ARHGAP28: variants seen among roughly 807,000 people sequenced by gnomAD.
The protein encoded by ARHGAP28 is Rho GTPase activating protein 28.
ARHGAP28 carries 56 observed loss-of-function variants against 90.7 expected under a neutral mutation model. The observed-to-expected ratio is 0.62, with a 90% CI of 0.50 to 0.77. The LOEUF is 0.77. ARHGAP28 is among the 30% of genes least tolerant of loss of function. The pLI is 0.00. For missense variants in ARHGAP28, 869 were observed against 900.9 expected, an observed-to-expected ratio of 0.96 and a Z score of 0.45; for synonymous variants, 308 against 323.3, an observed-to-expected ratio of 0.95 and a Z score of 0.51.
At chr18:6,867,227 C>T (rs1360239762) in intron 5 of ARHGAP28, among the ~76,000 whole-genome samples, 1 of 152,092 alleles carries the variant, frequency 6.6e-6, no homozygotes, top group African/African-American at 2.4e-5. Flanking sequence ...GAATTCAAGA[C>T]CCCTTTGCGC....
intron 1 of ARHGAP28, among the ~76,000 whole-genome samples, chr18:6,751,323 C>T (rs1316338063): frequency 2.7e-5 from 4 of 150,312 alleles, no homozygotes; most frequent in Admixed American, 2.0e-4. Context: ...ATTTTTATCT[C>T]TTGTAAAGAA....
intron 2 of ARHGAP28, among the ~76,000 whole-genome samples, chr18:6,836,640 G>A (rs1171733462): frequency 6.6e-6 from 1 of 152,136 alleles, no homozygotes; most frequent in East Asian, 1.9e-4. Context: ...ACCACATCAA[G>A]AGTGACTAAG....
At chr18:6,805,107 A>G (rs886502378) in intron 1 of ARHGAP28, among the ~76,000 whole-genome samples, 6 of 152,134 alleles carry the variant, frequency 3.9e-5, no homozygotes, top group Non-Finnish European at 8.8e-5. Context: ...CTACAGGTAC[A>G]TCAGGCACAT....
At chr18:6,757,567 G>A (rs2056121987) in intron 1 of ARHGAP28, among the ~76,000 whole-genome samples, 1 of 152,136 alleles carries the variant, frequency 6.6e-6, no homozygotes, top group South Asian at 2.1e-4. Flanking sequence ...GGTAAAAGGA[G>A]CATTTGAAGT....
At chr18:6,813,282 C>G (rs1043449027) in intron 1 of ARHGAP28, among the ~76,000 whole-genome samples, 1 of 152,188 alleles carries the variant, frequency 6.6e-6, no homozygotes, top group Non-Finnish European at 1.5e-5. Flanking sequence ...AAATGTCATT[C>G]ATGTTTAATA....
intron 1 of ARHGAP28, among the ~76,000 whole-genome samples, chr18:6,731,524 G>C (rs566911461): frequency 6.8e-4 from 103 of 152,292 alleles, no homozygotes; most frequent in African/African-American, 2.3e-3. Context: ...ATGAGAGCAA[G>C]CGTTACGTGT....
At chr18:6,798,763 A>G (rs2056460813) in intron 1 of ARHGAP28, among the ~76,000 whole-genome samples, 1 of 152,232 alleles carries the variant, frequency 6.6e-6, no homozygotes, top group Admixed American at 6.5e-5. Context: ...TTAACATCTC[A>G]GAATTCACCA....
chr18:6,762,133 C>T (rs1291310535), intron 1 of ARHGAP28, among the ~76,000 whole-genome samples: 3 of 152,186 alleles, frequency 2.0e-5, no homozygotes, highest in Admixed American at 6.5e-5. Flanking sequence ...TTTATTACAT[C>T]GCCATGGCAT....
intron 10 of ARHGAP28, among the ~76,000 whole-genome samples, chr18:6,878,006 A>G (rs1033627815): frequency 2.0e-5 from 3 of 151,980 alleles, no homozygotes; most frequent in African/African-American, 7.2e-5. Flanking sequence ...GTGCCTGTGT[A>G]CACATGCATG....
intron 4 of ARHGAP28, among the ~76,000 whole-genome samples, chr18:6,852,680 G>A (rs2056919948): frequency 6.6e-6 from 1 of 152,112 alleles, no homozygotes; most frequent in African/African-American, 2.4e-5. Context: ...TGCCGCCTTA[G>A]CACGTGGACC....
intron 12 of ARHGAP28, 49 bp from the exon 13 acceptor site, chr18:6,889,839 G>A (rs1362316507): frequency 1.9e-6 from 3 of 1,553,526 alleles, no homozygotes; most frequent in South Asian, 2.2e-5. Context: ...GCAATCAGGG[G>A]CACTTTTGAC....
At chr18:6,766,625 A>G (rs2056201988) in intron 1 of ARHGAP28, among the ~76,000 whole-genome samples, 2 of 152,104 alleles carry the variant, frequency 1.3e-5, no homozygotes. Flanking sequence ...GGCCTGGCTG[A>G]GACTTTTGGG....
chr18:6,755,968 T>C (rs1226502503), intron 1 of ARHGAP28, among the ~76,000 whole-genome samples: 8 of 152,200 alleles, frequency 5.3e-5, no homozygotes, highest in African/African-American at 1.9e-4. Context: ...ATTGAAATAA[T>C]CAACTCCGTT....
chr18:6,730,913 TTC>T (rs1600133968), intron 1 of ARHGAP28, among the ~76,000 whole-genome samples: 1 of 152,248 alleles, frequency 6.6e-6, no homozygotes, highest in African/African-American at 2.4e-5. Flanking sequence ...CGATAATTAC[TTC>T]TGTTTCCTAA....
chr18:6,908,628 A>G (rs1303868628), intron 16 of ARHGAP28, among the ~76,000 whole-genome samples: 1 of 152,002 alleles, frequency 6.6e-6, no homozygotes, highest in Non-Finnish European at 1.5e-5. Context: ...AGTACTAAAC[A>G]CGCAGCTGCT....
At chr18:6,744,050 A>G (rs2056001566) in intron 1 of ARHGAP28, among the ~76,000 whole-genome samples, 1 of 152,208 alleles carries the variant, frequency 6.6e-6, no homozygotes, top group Non-Finnish European at 1.5e-5. Flanking sequence ...AAAAAAAAGC[A>G]TAAGATACTC....
At chr18:6,829,087 G>A (rs1051821299) in intron 2 of ARHGAP28, among the ~76,000 whole-genome samples, 3 of 152,126 alleles carry the variant, frequency 2.0e-5, no homozygotes, top group Non-Finnish European at 4.4e-5. Flanking sequence ...CACATGTAAC[G>A]AGAATCCATT....
At chr18:6,898,953 G>A (rs1290092714) in intron 16 of ARHGAP28, among the ~76,000 whole-genome samples, 1 of 151,634 alleles carries the variant, frequency 6.6e-6, no homozygotes, top group East Asian at 1.9e-4. Flanking sequence ...TTGGGAGATG[G>A]GTACACCAAA....
intron 1 of ARHGAP28, chr18:6,790,532 T>C (rs1266923646): frequency 9.2e-5 from 14 of 152,162 alleles, no homozygotes; most frequent in Admixed American, 9.2e-4. Flanking sequence ...TAAGGAGTTC[T>C]GTTTGGGACT....
Sources: allele counts gnomAD v4.1 joint callset (sites outside exome capture counted in the v4.1 genomes callset), GRCh38; gene constraint gnomAD v4.1.1; transcripts MANE v1.5; gene names NCBI Gene and HGNC (gene_info 2026-07-23, HGNC 2026-07-21).